The following SHISA6 variants were observed in gnomAD, a reference collection of about 807,000 sequenced individuals.
The protein encoded by SHISA6 is protein shisa-6.
A neutral mutation model predicts 47.9 loss-of-function variants in SHISA6; 22 were observed. The ratio of observed to expected loss-of-function variants is 0.46; its 90% confidence interval spans 0.33 to 0.66. The LOEUF is 0.66. Ranked by LOEUF, SHISA6 falls within the 30% of genes least tolerant of loss-of-function variation. The pLI, the probability that SHISA6 is intolerant of heterozygous loss-of-function variation, is 0.02. For missense variants in SHISA6, 680 were observed against 764.6 expected (o/e 0.89, Z 1.30); for synonymous variants, 388 against 337.8 (o/e 1.15, Z -1.63).
chr17:11,525,131 C>T (rs560473176), intron 3 of SHISA6, among the ~76,000 whole-genome samples: 1 of 152,200 alleles, frequency 6.6e-6, no homozygotes, highest in East Asian at 1.9e-4. Context: ...AAGTGAAACA[C>T]GTGGAGGGGA....
intron 2 of SHISA6, among the ~76,000 whole-genome samples, chr17:11,350,174 A>ATT (rs1310542458): frequency 2.0e-4 from 20 of 100,424 alleles, no homozygotes; most frequent in African/African-American, 4.2e-4. Flanking sequence ...TTATTTATTT[A>ATT]TTTATTTATT....
intron 3 of SHISA6, among the ~76,000 whole-genome samples, chr17:11,507,767 A>G (rs1191544319): frequency 6.6e-6 from 1 of 152,214 alleles, no homozygotes; most frequent in East Asian, 1.9e-4. Flanking sequence ...CTAACTTGAA[A>G]GTATCTCTCT....
intron 2 of SHISA6, among the ~76,000 whole-genome samples, chr17:11,348,545 C>G (rs1227212869): frequency 6.6e-6 from 1 of 152,058 alleles, no homozygotes; most frequent in East Asian, 1.9e-4. Flanking sequence ...ATAGAACCAT[C>G]TTTAAAAATA....
At chr17:11,312,835 A>T (rs1370915560) in intron 2 of SHISA6, among the ~76,000 whole-genome samples, 1 of 152,182 alleles carries the variant, frequency 6.6e-6, no homozygotes, top group African/African-American at 2.4e-5. Context: ...CGTTTTTTAA[A>T]AACAATATAT....
chr17:11,376,115 A>G (rs949487632), intron 2 of SHISA6, among the ~76,000 whole-genome samples: 2 of 152,026 alleles, frequency 1.3e-5, no homozygotes, highest in African/African-American at 4.8e-5. Flanking sequence ...TTGTCCTCTT[A>G]CCCTGATAAG....
At chr17:11,551,869 TA>T in intron 3 of SHISA6, 26 bp from the exon 4 acceptor site, 1 of 1,547,868 alleles carries the variant, frequency 6.5e-7, no homozygotes, top group Non-Finnish European at 8.7e-7. Context: ...AACTCTTCTT[TA>T]AAAATTTCTT....
intron 3 of SHISA6, among the ~76,000 whole-genome samples, chr17:11,537,483 G>A (rs940372687): frequency 3.9e-5 from 6 of 152,066 alleles, no homozygotes; most frequent in South Asian, 2.1e-4. Context: ...TCTTCAAGCC[G>A]AAGTGCCAAG....
intron 2 of SHISA6, among the ~76,000 whole-genome samples, chr17:11,358,469 C>T (rs543298932): frequency 2.6e-5 from 4 of 151,740 alleles, no homozygotes; most frequent in African/African-American, 9.7e-5. Context: ...ACGCCATTCT[C>T]CTGCCTCAGC....
At chr17:11,260,742 T>TC (rs1429741912) in intron 1 of SHISA6, among the ~76,000 whole-genome samples, 1 of 151,914 alleles carries the variant, frequency 6.6e-6, no homozygotes, top group African/African-American at 2.4e-5. Context: ...CCTCTCACTC[T>TC]CCTTCTGTCT....
chr17:11,442,872 C>G (rs1360219769), intron 3 of SHISA6, among the ~76,000 whole-genome samples: 1 of 152,158 alleles, frequency 6.6e-6, no homozygotes, highest in Non-Finnish European at 1.5e-5. Flanking sequence ...GATGTCTCAC[C>G]TGACTTCTGC....
chr17:11,527,159 G>T (rs772356089), intron 3 of SHISA6, among the ~76,000 whole-genome samples: 1 of 151,922 alleles, frequency 6.6e-6, no homozygotes, highest in African/African-American at 2.4e-5. Context: ...CATGGGTTTG[G>T]GTTCCCCAGG....
intron 2 of SHISA6, among the ~76,000 whole-genome samples, chr17:11,347,236 G>A (rs1405217422): frequency 6.6e-6 from 1 of 152,004 alleles, no homozygotes; most frequent in African/African-American, 2.4e-5. Flanking sequence ...AGCCTAGAAG[G>A]ATATCTACAT....
chr17:11,541,756 G>C (rs1366900707), intron 3 of SHISA6, among the ~76,000 whole-genome samples: 4 of 152,084 alleles, frequency 2.6e-5, no homozygotes, highest in Non-Finnish European at 5.9e-5. Flanking sequence ...GCTACCCAGG[G>C]AGTGAGGACA....
chr17:11,257,191 G>A (rs1166140722), intron 1 of SHISA6, among the ~76,000 whole-genome samples: 1 of 152,114 alleles, frequency 6.6e-6, no homozygotes, highest in African/African-American at 2.4e-5. Context: ...CGAGAGAACC[G>A]GTAATAGGGA....
chr17:11,254,878 T>TGG, intron 1 of SHISA6, among the ~76,000 whole-genome samples: 1 of 152,248 alleles, frequency 6.6e-6, no homozygotes, highest in East Asian at 1.9e-4. Context: ...AACTTCACAC[T>TGG]GGGGCAGAGG....
At chr17:11,306,172 T>G (rs1243823580) in intron 2 of SHISA6, among the ~76,000 whole-genome samples, 1 of 152,158 alleles carries the variant, frequency 6.6e-6, no homozygotes. Context: ...CTTACCTAGG[T>G]CTGAGTTCAG....
chr17:11,543,043 C>G (rs2071847008), intron 3 of SHISA6, among the ~76,000 whole-genome samples: 1 of 152,138 alleles, frequency 6.6e-6, no homozygotes, highest in South Asian at 2.1e-4. Flanking sequence ...TTAGAAGAAA[C>G]AGTTCCACTG....
At chr17:11,476,693 G>T (rs2969221) in intron 3 of SHISA6, among the ~76,000 whole-genome samples, 97,357 of 151,690 alleles carry the variant, frequency 0.64, 32,321 homozygotes, top group African/African-American at 0.82. Flanking sequence ...GGTCTATCTT[G>T]GTGAGTGCTC....
At chr17:11,245,231 A>AG (rs910038273) in intron 1 of SHISA6, among the ~76,000 whole-genome samples, 25 of 152,356 alleles carry the variant, frequency 1.6e-4, no homozygotes, top group African/African-American at 6.0e-4. Context: ...ATTGAAAGGC[A>AG]GAGCTGGGTG....
Sources: allele counts gnomAD v4.1 joint callset (sites outside exome capture counted in the v4.1 genomes callset), GRCh38; gene constraint gnomAD v4.1.1; transcripts MANE v1.5; gene names NCBI Gene and HGNC (gene_info 2026-07-23, HGNC 2026-07-21).